Variants in ACVR1 observed in about 807,000 individuals in gnomAD.
ACVR1 encodes activin A receptor type 1.
A neutral mutation model predicts 57.1 loss-of-function variants in ACVR1; 38 were observed. The observed-to-expected ratio is 0.67, with a 90% CI of 0.51 to 0.87. ACVR1 has a LOEUF of 0.87. Among genes scored for constraint, ACVR1 ranks in the 40% least tolerant of loss-of-function variants. The probability of loss-of-function intolerance (pLI) is 0.00; values close to 1 mark genes in which losing one functional copy is unlikely to be tolerated. For synonymous variants in ACVR1, 212 were observed against 228.1 expected (o/e 0.93, Z 0.63); for missense variants, 463 against 638.2 (o/e 0.73, Z 2.96).
chr2:157,806,395 C>T (rs556065723), intron 2 of ACVR1, among the ~76,000 whole-genome samples: 1 of 152,260 alleles, frequency 6.6e-6, no homozygotes, highest in African/African-American at 2.4e-5. Flanking sequence ...CCCCATCCTC[C>T]ATCCCTACTC....
chr2:157,756,043 C>CA lies in ACVR1; in HGVS notation c.1264+4836dup, dbSNP rs575394464. ...AACATCCAACTGATCTTTGACACAG[C>CA]AAAAAAAAACATAAAGTGGGGAAGG... On this transcript the variant is annotated intron_variant, in intron 9 of 10. Coordinates refer to ENST00000434821, the MANE Select transcript of ACVR1 (RefSeq NM_001111067.4). 6.7e-4 allele frequency among the ~76,000 whole-genome samples: 100 copies of CA among 149,632 alleles called. 1 individual carries two copies. Among genetic ancestry groups the CA allele is most frequent in the Admixed American group, 5.1e-3 (77 of 15,068 alleles).
intron 1 of ACVR1, chr2:157,874,769 T>C (rs906893203): frequency 6.6e-6 from 1 of 152,158 alleles, no homozygotes; most frequent in African/African-American, 2.4e-5. Flanking sequence ...AAAACATGTA[T>C]GGAACGGGCC....
rs898189933 is a variant in ACVR1, at chr2:157,736,920, G to A, written c.*611C>T. 1 of 313,848 alleles carries A rather than the reference G, an allele frequency of 3.2e-6. No individual in the cohort carries two copies. 19.4% of individuals were successfully genotyped at this position (313,848 alleles called of 1,614,324 possible). A position where few individuals can be genotyped will look rare whatever the true frequency, so the allele number is the denominator to read the frequency against. On this transcript the variant is annotated 3_prime_UTR_variant, in exon 11 of 11. Coordinates refer to ENST00000434821, the MANE Select transcript of ACVR1 (RefSeq NM_001111067.4). ...AAGTTGTGTATAAACAATTCCTAAT[G>A]TTCGGCATCATTGTAAACATCAGCA... is the stretch of plus-strand genomic sequence containing the variant.
chr2:157,844,988 G>A (rs1689086649), intron 1 of ACVR1, among the ~76,000 whole-genome samples: 1 of 152,168 alleles, frequency 6.6e-6, no homozygotes, highest in Admixed American at 6.5e-5. Flanking sequence ...TAAGCAATAA[G>A]TGTCTATTGT....
intron 1 of ACVR1, among the ~76,000 whole-genome samples, chr2:157,823,880 G>A (rs1688241149): frequency 1.3e-5 from 2 of 152,182 alleles, no homozygotes; most frequent in Non-Finnish European, 2.9e-5. Flanking sequence ...CAAAGGCAGT[G>A]AGTGGGCTAC....
In ACVR1 at chr2:157,780,408, G is replaced by C; in HGVS notation, c.260C>G (p.Pro87Arg). The C allele has an allele frequency of 6.2e-7, 1 of 1,613,882 alleles. No individual in the cohort carries two copies. Among genetic ancestry groups the C allele is most frequent in the Non-Finnish European group, 8.5e-7 (1 of 1,179,762 alleles). Residue 87 changes from proline to arginine, a missense_variant, in exon 4 of 11, where the codon CCT becomes CGT. Pro to Arg is a moderately radical substitution (Grantham distance 103, BLOSUM62 -2). Transcript: ENST00000434821. ...TTGGCAGCACTCCACGGCTTGGCCAGGGGACGGCGGGGTCTTACAGGTCAT... is the reference window on the plus strand; with the variant it reads ...TTGGCAGCACTCCACGGCTTGGCCACGGGACGGCGGGGTCTTACAGGTCAT... Reference protein sequence around the residue: ...GKMTCKTPPSPGQAVECCQGD... With the variant: ...GKMTCKTPPSRGQAVECCQGD...
intron 1 of ACVR1, among the ~76,000 whole-genome samples, chr2:157,835,316 C>T (rs1228352167): frequency 2.0e-5 from 3 of 152,102 alleles, no homozygotes; most frequent in Non-Finnish European, 1.5e-5. Context: ...TTCCCTTCAT[C>T]TGAAAAATTT....
At chr2:157,760,171 G>A (rs1685587532) in intron 9 of ACVR1, among the ~76,000 whole-genome samples, 1 of 152,074 alleles carries the variant, frequency 6.6e-6, no homozygotes, top group Non-Finnish European at 1.5e-5. Flanking sequence ...CTCTTTGCAG[G>A]TGACATAATC....
At chr2:157,792,469 T>G (rs1409898634) in intron 3 of ACVR1, among the ~76,000 whole-genome samples, 6 of 152,138 alleles carry the variant, frequency 3.9e-5, no homozygotes, top group Non-Finnish European at 5.9e-5. Flanking sequence ...TCAGGCTACA[T>G]GGAGTTGTGA....
intron 9 of ACVR1, among the ~76,000 whole-genome samples, chr2:157,740,140 A>G (rs141759436): frequency 0.023 from 3,472 of 152,080 alleles, 117 homozygotes; most frequent in African/African-American, 0.076. Context: ...AGCCAAGATC[A>G]GACCACTGCA....
chr2:157,783,283 A>T lies in ACVR1; in HGVS notation c.68-2683T>A, dbSNP rs185196723. Among the ~76,000 whole-genome samples, 14 of 152,320 alleles carry T rather than the reference A, an allele frequency of 9.2e-5. No homozygotes were observed. In the East Asian group the frequency reaches 2.3e-3, roughly 25 times the overall value. On this transcript the variant is annotated intron_variant, in intron 3 of 10. Coordinates refer to ENST00000434821, the MANE Select transcript of ACVR1 (RefSeq NM_001111067.4). ...TAAATTCTAAGTACACAGATGCAGG[A>T]AGGGGCACTGCTTTTCCAAGGTCTC...
Position 157,818,527 on chromosome 2 carries a change from CTTTGGCAG to C in ACVR1, c.-158_-151del, listed in dbSNP as rs1460555003. On this transcript the variant is annotated 5_prime_UTR_variant, in exon 2 of 11. Transcript: ENST00000434821. ...ATTATGAGTTCTCCAGCAGCTCTCA[CTTTGGCAG>C]TGTGACGCTTACCAATGCTCCAGGC... is the stretch of plus-strand genomic sequence containing the variant. The C allele has an allele frequency of 2.0e-5, 3 of 152,236 alleles. No individual in the cohort carries two copies. The highest frequency in any genetic ancestry group is 2.0e-4 in the Admixed American group (3 of 15,282). The allele number at this position is 152,236 out of a possible 1,614,324, so 9.4% of individuals were successfully genotyped here. A position where few individuals can be genotyped will look rare whatever the true frequency, so the allele number is the denominator to read the frequency against.
In ACVR1 at chr2:157,737,514, T is replaced by C. The variant is rs1012967269; in HGVS notation, c.*17A>G. On this transcript the variant is annotated 3_prime_UTR_variant, in exon 11 of 11. Coordinates refer to ENST00000434821, the MANE Select transcript of ACVR1 (RefSeq NM_001111067.4). ...TGACAACAACGTCAAATCTTCCTTCTTGACACTATGAAAATGTCAACAGTC... is the reference window on the plus strand; with the variant it reads ...TGACAACAACGTCAAATCTTCCTTCCTGACACTATGAAAATGTCAACAGTC... 4 of 1,613,742 alleles carry C rather than the reference T, an allele frequency of 2.5e-6. No homozygotes were observed. Among genetic ancestry groups the C allele is most frequent in the Non-Finnish European group, 1.7e-6 (2 of 1,179,886 alleles).
At chr2:157,823,060 C>T (rs1221623246) in intron 1 of ACVR1, among the ~76,000 whole-genome samples, 1 of 152,172 alleles carries the variant, frequency 6.6e-6, no homozygotes, top group Non-Finnish European at 1.5e-5. Flanking sequence ...ATGGTAGTAG[C>T]AGATTGGGCC....
At chr2:157,875,264 A>C (rs1304509658) in intron 1 of ACVR1, among the ~76,000 whole-genome samples, 1 of 152,194 alleles carries the variant, frequency 6.6e-6, no homozygotes, top group Non-Finnish European at 1.5e-5. Flanking sequence ...AAGCTTTTTG[A>C]AACTGCAGCT....
intron 2 of ACVR1, among the ~76,000 whole-genome samples, chr2:157,814,630 T>G (rs1262158590): frequency 1.3e-5 from 2 of 152,202 alleles, no homozygotes; most frequent in Non-Finnish European, 2.9e-5. Flanking sequence ...CTACTAGAAA[T>G]GGATCCCATA....
chr2:157,867,061 C>A (rs1243948414), intron 1 of ACVR1, among the ~76,000 whole-genome samples: 1 of 152,190 alleles, frequency 6.6e-6, no homozygotes, highest in Admixed American at 6.5e-5. Context: ...CTTCTGGGTT[C>A]TTGCTCTCCC....
At chr2:157,743,196 A>G (rs1684844016) in intron 9 of ACVR1, among the ~76,000 whole-genome samples, 1 of 151,996 alleles carries the variant, frequency 6.6e-6, no homozygotes, top group Non-Finnish European at 1.5e-5. Flanking sequence ...CATCCTCCCA[A>G]GCTTGTCCAA....
intron 6 of ACVR1, among the ~76,000 whole-genome samples, chr2:157,771,326 G>C (rs910140190): frequency 5.3e-5 from 8 of 152,186 alleles, no homozygotes; most frequent in Non-Finnish European, 7.4e-5. Context: ...CTCTACTTGT[G>C]ATCTAATCTG....
Sources: allele counts gnomAD v4.1 joint callset (sites outside exome capture counted in the v4.1 genomes callset), GRCh38; gene constraint gnomAD v4.1.1; transcripts MANE v1.5; gene names NCBI Gene and HGNC (gene_info 2026-07-23, HGNC 2026-07-21).